PGGT1B: variants seen among roughly 807,000 people sequenced by gnomAD.
PGGT1B encodes the protein protein geranylgeranyltransferase type I subunit beta, also known as geranylgeranyl transferase type-1 subunit beta.
PGGT1B carries 30 observed loss-of-function variants against 46.1 expected under a neutral mutation model. The ratio of observed to expected loss-of-function variants is 0.65; its 90% CI spans 0.49 to 0.88. The LOEUF is 0.88. PGGT1B is among the 40% of genes least tolerant of loss of function. The pLI, the probability that PGGT1B is intolerant of heterozygous loss-of-function variation, is 0.00. For synonymous variants in PGGT1B, 170 were observed against 160.0 expected (o/e 1.06, Z -0.47); for missense variants, 376 against 455.9 (o/e 0.82, Z 1.60).
chr5:115,252,963 G>A lies in PGGT1B; in HGVS notation c.259+174C>T, dbSNP rs1014441137. ...CTCTAAATTGTTTTCTTGAGATTAT[G>A]ATCAGATTTGTTAAGTACTGTATTT... is the stretch of plus-strand genomic sequence containing the variant. On this transcript the variant is annotated intron_variant, in intron 2 of 8. Coordinates refer to ENST00000419445, the MANE Select transcript of PGGT1B (RefSeq NM_005023.4). 10 of 564,692 alleles carry A rather than the reference G, an allele frequency of 1.8e-5. No individual in the cohort carries two copies. The Admixed American group carries it at 2.3e-4, about 13-fold the overall frequency. The allele number at this position is 564,692 out of a possible 1,614,324, so 35.0% of individuals were successfully genotyped here. A position where few individuals can be genotyped will look rare whatever the true frequency, so the allele number is the denominator to read the frequency against.
chr5:115,224,801 C>A (rs1265042614), intron 6 of PGGT1B, among the ~76,000 whole-genome samples: 3 of 149,162 alleles, frequency 2.0e-5, no homozygotes, highest in Admixed American at 2.0e-4. Context: ...TTGACTGCAC[C>A]CCAGCCTGGG....
At chr5:115,231,044 A>G in intron 5 of PGGT1B, 23 bp from the exon 6 acceptor site, 1 of 1,358,094 alleles carries the variant, frequency 7.4e-7, no homozygotes, top group South Asian at 1.3e-5. Flanking sequence ...AACATTGTTC[A>G]GTTTAATAGG....
chr5:115,249,719 T>C (rs1748007541), intron 2 of PGGT1B, among the ~76,000 whole-genome samples: 1 of 152,136 alleles, frequency 6.6e-6, no homozygotes, highest in Non-Finnish European at 1.5e-5. Context: ...AGGCAAAAAA[T>C]TGAACATACT....
chr5:115,212,350 C>T lies in PGGT1B; in HGVS notation c.*52G>A. 6.2e-7 allele frequency: 1 copy of T among 1,607,114 alleles called. No homozygotes were observed. The highest frequency in any genetic ancestry group is 8.5e-7 in the Non-Finnish European group (1 of 1,176,936). On this transcript the variant is annotated 3_prime_UTR_variant, in exon 9 of 9. Coordinates refer to ENST00000419445, the MANE Select transcript of PGGT1B (RefSeq NM_005023.4). ...CACTTGGTTATACATGGCTTTTAAACTTGAGCTACAGTTATGCTACAAATC... is the reference window on the plus strand; with the variant it reads ...CACTTGGTTATACATGGCTTTTAAATTTGAGCTACAGTTATGCTACAAATC...
intron 5 of PGGT1B, among the ~76,000 whole-genome samples, chr5:115,233,334 C>T (rs1439166542): frequency 6.6e-6 from 1 of 151,008 alleles, no homozygotes; most frequent in Non-Finnish European, 1.5e-5. Context: ...AAGAAAAAGA[C>T]AAAATAAGAA....
intron 8 of PGGT1B, 112 bp from the exon 9 acceptor site, chr5:115,212,695 G>A (rs1047491869): frequency 1.5e-6 from 1 of 660,846 alleles, no homozygotes; most frequent in South Asian, 2.5e-5. Context: ...TAAGTTTAGA[G>A]AAATGCTAAT....
chr5:115,230,810 A>C (rs1561476107), intron 6 of PGGT1B, among the ~76,000 whole-genome samples, 166 bp downstream of exon 6: 1 of 152,132 alleles, frequency 6.6e-6, no homozygotes, highest in Non-Finnish European at 1.5e-5. Flanking sequence ...AAGAGGCTTC[A>C]AATAGACAAA....
chr5:115,250,467 G>C (rs1748044478), intron 2 of PGGT1B, among the ~76,000 whole-genome samples: 2 of 152,146 alleles, frequency 1.3e-5, no homozygotes, highest in African/African-American at 4.8e-5. Context: ...CTCCCTTCCA[G>C]AGGTTTGCAA....
intron 5 of PGGT1B, among the ~76,000 whole-genome samples, chr5:115,236,061 G>T (rs265442): frequency 0.72 from 109,658 of 151,970 alleles, 40,818 homozygotes; most frequent in African/African-American, 0.92. Context: ...TCCAGTTTGC[G>T]TGTCAGGACT....
At chr5:115,231,343 C>T (rs188645955) in intron 5 of PGGT1B, among the ~76,000 whole-genome samples, 7 of 151,928 alleles carry the variant, frequency 4.6e-5, no homozygotes, top group Non-Finnish European at 8.8e-5. Flanking sequence ...TGCAAGTATA[C>T]GTGAGCTGGA....
In PGGT1B at chr5:115,206,361, TAA is replaced by T. The variant is rs946838918; in HGVS notation, c.*6039_*6040del. ...AAATTATAAAACTAAATGACCATTT[TAA>T]AAAAAGGTTCAAAGTGAAATAAGCT... is the stretch of plus-strand genomic sequence containing the variant. On this transcript the variant is annotated 3_prime_UTR_variant, in exon 9 of 9. Transcript: ENST00000419445. 6 of 151,962 alleles carry T rather than the reference TAA, an allele frequency of 3.9e-5. No homozygotes were observed. The highest frequency in any genetic ancestry group is 1.2e-4 in the African/African-American group (5 of 41,532). The allele number at this position is 151,962 out of a possible 1,614,324, so 9.4% of individuals were successfully genotyped here.
chr5:115,254,027 T>C (rs1748210101), intron 1 of PGGT1B, among the ~76,000 whole-genome samples: 1 of 152,054 alleles, frequency 6.6e-6, no homozygotes, highest in African/African-American at 2.4e-5. Context: ...TTCCATAATC[T>C]AACAATTCAT....
intron 8 of PGGT1B, among the ~76,000 whole-genome samples, chr5:115,212,810 AGG>A (rs1756276199): frequency 2.0e-5 from 3 of 152,198 alleles, no homozygotes; most frequent in Non-Finnish European, 4.4e-5. Context: ...TCATTAACAA[AGG>A]AAAACAGTTT....
At position 115,234,856 on chromosome 5, in the gene PGGT1B, T is replaced by TAG. The variant is rs1240366993; in HGVS notation, c.612+1533_612+1534insCT. Among the ~76,000 whole-genome samples, 5 of 152,070 alleles carry TAG rather than the reference T, an allele frequency of 3.3e-5. No individual in the cohort carries two copies. The East Asian group carries it at 9.6e-4, about 29-fold the overall frequency. On this transcript the variant is annotated intron_variant, in intron 5 of 8. Transcript: ENST00000419445. ...TTTAATATATAGACATATAAATAGA[T>TAG]ACAGAAATATAGATTCTGTGTGTCT...
intron 6 of PGGT1B, among the ~76,000 whole-genome samples, chr5:115,225,333 G>A (rs529878230): frequency 2.3e-4 from 35 of 152,306 alleles, no homozygotes; most frequent in African/African-American, 7.5e-4. Context: ...GGACCATAGA[G>A]ACTCTCTCTT....
chr5:115,225,523 G>T (rs1042812014), intron 6 of PGGT1B, among the ~76,000 whole-genome samples: 1 of 152,134 alleles, frequency 6.6e-6, no homozygotes, highest in Non-Finnish European at 1.5e-5. Flanking sequence ...TTATCAGAAA[G>T]AATCCATGTC....
At chr5:115,252,145 T>C (rs1396419834) in intron 2 of PGGT1B, among the ~76,000 whole-genome samples, 1 of 152,080 alleles carries the variant, frequency 6.6e-6, no homozygotes, top group Non-Finnish European at 1.5e-5. Context: ...TGACCAAACT[T>C]ATACATGCTT....
intron 8 of PGGT1B, among the ~76,000 whole-genome samples, chr5:115,214,803 C>G (rs567980072): frequency 6.6e-6 from 1 of 152,188 alleles, no homozygotes; most frequent in Non-Finnish European, 1.5e-5. Flanking sequence ...CATTTCCCTA[C>G]TCCCATTATT....
chr5:115,255,577 A>C (rs1748276109), intron 1 of PGGT1B, among the ~76,000 whole-genome samples: 1 of 152,204 alleles, frequency 6.6e-6, no homozygotes, highest in Admixed American at 6.5e-5. Context: ...ATTAAGGAAA[A>C]GGGCAAAAAG....
Sources: allele counts gnomAD v4.1 joint callset (sites outside exome capture counted in the v4.1 genomes callset), GRCh38; gene constraint gnomAD v4.1.1; transcripts MANE v1.5; gene names NCBI Gene and HGNC (gene_info 2026-07-23, HGNC 2026-07-21).